The following PARP8 variants were observed in gnomAD, a reference collection of about 807,000 sequenced individuals.
The protein encoded by PARP8 is protein mono-ADP-ribosyltransferase PARP8.
A neutral mutation model predicts 124.1 loss-of-function variants in PARP8; 51 were observed. The observed-to-expected ratio is 0.41, with a 90% confidence interval of 0.33 to 0.52. The LOEUF (loss-of-function observed/expected upper bound fraction) is 0.52. PARP8 is among the 20% of genes least tolerant of loss of function. The pLI, the probability that PARP8 is intolerant of heterozygous loss-of-function variation, is 0.21. For missense variants in PARP8, 860 were observed against 1,018.9 expected, an observed-to-expected ratio of 0.84 and a Z score of 2.12; for synonymous variants, 391 against 361.5, an observed-to-expected ratio of 1.08 and a Z score of -0.93.
chr5:50,693,525 C>T (rs1561253126), intron 2 of PARP8, among the ~76,000 whole-genome samples: 2 of 151,546 alleles, frequency 1.3e-5, no homozygotes. Context: ...TCTACATTGC[C>T]CATGATTTCA....
chr5:50,757,707 T>G (rs1202368461), intron 3 of PARP8, among the ~76,000 whole-genome samples: 6 of 152,194 alleles, frequency 3.9e-5, no homozygotes, highest in African/African-American at 1.2e-4. Flanking sequence ...TGTCTTCCAG[T>G]GTTGACACTT....
intron 3 of PARP8, among the ~76,000 whole-genome samples, chr5:50,752,502 A>G (rs1271424805): frequency 6.6e-6 from 1 of 152,058 alleles, no homozygotes; most frequent in African/African-American, 2.4e-5. Context: ...CTTTTTAGCA[A>G]AAGTATAGTA....
At chr5:50,835,993 A>G (rs1747540214) in intron 25 of PARP8, among the ~76,000 whole-genome samples, 1 of 152,174 alleles carries the variant, frequency 6.6e-6, no homozygotes, top group South Asian at 2.1e-4. Flanking sequence ...TATATTTAAA[A>G]GAAACTGAAA....
chr5:50,815,418 T>C lies in PARP8; in HGVS notation c.1576-14T>C, dbSNP rs776549419. 1.3e-6 allele frequency: 2 copies of C among 1,539,690 alleles called. No individual in the cohort carries two copies. The highest frequency in any genetic ancestry group is 1.7e-6 in the Non-Finnish European group (2 of 1,148,286). On this transcript the variant is annotated splice_polypyrimidine_tract_variant and intron_variant, in intron 14 of 25. Transcript: ENST00000281631. ...GGAAAAAAGTTTTGTGATTGATTCC[T>C]TTTTCTTTTGTAGCCTACCGTATGT... is the stretch of plus-strand genomic sequence containing the variant.
At chr5:50,814,949 G>A (rs944444554) in intron 14 of PARP8, among the ~76,000 whole-genome samples, 6 of 152,090 alleles carry the variant, frequency 3.9e-5, no homozygotes, top group Admixed American at 2.0e-4. Flanking sequence ...CAAGAGCTGA[G>A]TAGCAAGTAA....
chr5:50,790,988 C>T (rs1192937836), intron 10 of PARP8, among the ~76,000 whole-genome samples: 1 of 151,992 alleles, frequency 6.6e-6, no homozygotes, highest in African/African-American at 2.4e-5. Context: ...ATTATTTTAG[C>T]AATCTAATTT....
At chr5:50,704,270 C>T (rs931329664) in intron 2 of PARP8, among the ~76,000 whole-genome samples, 1 of 152,040 alleles carries the variant, frequency 6.6e-6, no homozygotes, top group Admixed American at 6.6e-5. Context: ...CACAATTTTC[C>T]TTGGTATATG....
At chr5:50,797,324 T>A in intron 14 of PARP8, 91 bp downstream of exon 14, 1 of 950,014 alleles carries the variant, frequency 1.1e-6, no homozygotes, top group Non-Finnish European at 1.5e-6. Flanking sequence ...ATAAATGCAG[T>A]TGAAAGCAAA....
chr5:50,739,044 G>C (rs941431233), intron 2 of PARP8: 3 of 702,398 alleles, frequency 4.3e-6, no homozygotes, highest in Admixed American at 2.0e-5. Context: ...AGAGCTGTCT[G>C]CTTCCTCATT....
chr5:50,817,070 A>T (rs1745187825), intron 15 of PARP8, among the ~76,000 whole-genome samples: 1 of 152,202 alleles, frequency 6.6e-6, no homozygotes, highest in Non-Finnish European at 1.5e-5. Context: ...ATTTTACCGT[A>T]TGCAAGCTTC....
intron 2 of PARP8, among the ~76,000 whole-genome samples, chr5:50,730,294 A>C (rs1398769172): frequency 6.6e-6 from 1 of 152,208 alleles, no homozygotes; most frequent in Admixed American, 6.5e-5. Flanking sequence ...AGACAGGGTA[A>C]TTTATAAAGG....
intron 9 of PARP8, among the ~76,000 whole-genome samples, chr5:50,784,760 TTTG>T (rs1482482558): frequency 4.6e-5 from 7 of 152,246 alleles, no homozygotes; most frequent in East Asian, 1.9e-4. Flanking sequence ...TCTGGGGATT[TTTG>T]TTGTTGTTGT....
chr5:50,678,893 A>C (rs193194636), intron 2 of PARP8, among the ~76,000 whole-genome samples: 3 of 152,174 alleles, frequency 2.0e-5, no homozygotes, highest in South Asian at 2.1e-4. Flanking sequence ...CATTAGCCCA[A>C]TTCTTGTTGT....
At chr5:50,814,636 A>G (rs189193030) in intron 14 of PARP8, among the ~76,000 whole-genome samples, 1 of 152,228 alleles carries the variant, frequency 6.6e-6, no homozygotes, top group African/African-American at 2.4e-5. Context: ...GGGGCCATAC[A>G]TCCCCACTGG....
chr5:50,720,006 T>TA (rs574244211), intron 2 of PARP8, among the ~76,000 whole-genome samples: 4 of 151,288 alleles, frequency 2.6e-5, no homozygotes, highest in South Asian at 2.1e-4. Flanking sequence ...CAGGCAAAAT[T>TA]AAAAAAAAAT....
In PARP8 at chr5:50,740,556, G is replaced by A. The variant is rs1022227028; in HGVS notation, c.147-9595G>A. Reference sequence around the variant, plus strand: ...AAATTATGTTTGAGCATGGCATGGCGGCTCATGTCTGTAATCCCAGCATTT... The same window carrying A: ...AAATTATGTTTGAGCATGGCATGGCAGCTCATGTCTGTAATCCCAGCATTT... On this transcript the variant is annotated intron_variant, in intron 2 of 25. Transcript: ENST00000281631. Among the ~76,000 whole-genome samples the A allele has an allele frequency of 4.6e-5, 7 of 152,080 alleles. No homozygotes were observed. In the South Asian group the frequency reaches 8.3e-4, roughly 18 times the overall value.
chr5:50,694,856 G>A (rs1302326051), intron 2 of PARP8, among the ~76,000 whole-genome samples: 1 of 152,190 alleles, frequency 6.6e-6, no homozygotes, highest in South Asian at 2.1e-4. Context: ...AAGCCTGAGA[G>A]CCCCTAGCAT....
chr5:50,786,826 AT>A (rs988507691), intron 9 of PARP8, among the ~76,000 whole-genome samples: 38 of 152,120 alleles, frequency 2.5e-4, no homozygotes, highest in African/African-American at 8.7e-4. Flanking sequence ...GTGGTTTCTC[AT>A]TCAGCCTCAT....
intron 23 of PARP8, 115 bp downstream of exon 23, chr5:50,832,969 C>A: frequency 1.2e-6 from 1 of 847,746 alleles, no homozygotes; most frequent in Non-Finnish European, 1.9e-6. Context: ...GTGGTCATTA[C>A]TTATAAAGGA....
Sources: gnomAD v4.1 joint callset for allele counts (sites outside exome capture counted in the v4.1 genomes callset) on GRCh38, gnomAD v4.1.1 for gene constraint, MANE v1.5 for transcripts, NCBI Gene and HGNC (gene_info 2026-07-23, HGNC 2026-07-21) for gene names.